The following MCM9 variants were observed in gnomAD, a reference collection of about 807,000 sequenced individuals.
MCM9 encodes minichromosome maintenance 9 homologous recombination repair factor, also known as DNA helicase MCM9.
MCM9 carries 55 observed loss-of-function variants against 72.8 expected under a neutral mutation model. The ratio of observed to expected loss-of-function variants is 0.76; its 90% CI spans 0.61 to 0.95. MCM9 has a LOEUF of 0.95. Ranked by LOEUF, MCM9 falls within the 40% of genes least tolerant of loss-of-function variation. MCM9 has a pLI of 0.00. For missense variants in MCM9, 1,279 were observed against 1,377.0 expected (o/e 0.93, Z 1.13); for synonymous variants, 480 against 503.4 (o/e 0.95, Z 0.62).
chr6:118,835,803 A>C (rs191968318), intron 9 of MCM9, among the ~76,000 whole-genome samples: 1 of 152,178 alleles, frequency 6.6e-6, no homozygotes, highest in Admixed American at 6.5e-5. Flanking sequence ...AGACAGAAAC[A>C]ATTTGACTTC....
At chr6:118,891,369 T>C (rs140934670) in intron 8 of MCM9, among the ~76,000 whole-genome samples, 204 of 152,330 alleles carry the variant, frequency 1.3e-3, no homozygotes, top group African/African-American at 4.7e-3. Flanking sequence ...AAATATCTTA[T>C]AGCTATATTA....
At chr6:118,843,585 G>A (rs1442030120) in intron 9 of MCM9, among the ~76,000 whole-genome samples, 1 of 102,128 alleles carries the variant, frequency 9.8e-6, no homozygotes, top group Admixed American at 1.1e-4. Context: ...CCAAGATTGC[G>A]CCACTGCACT....
chr6:118,889,163 C>T (rs1055685205), intron 8 of MCM9, among the ~76,000 whole-genome samples: 5 of 152,072 alleles, frequency 3.3e-5, no homozygotes, highest in Middle Eastern at 3.2e-3. Flanking sequence ...CTTTGCATGC[C>T]GGATTCAAAG....
At chr6:118,926,659 A>G (rs556268545) in intron 3 of MCM9, among the ~76,000 whole-genome samples, 18 of 152,248 alleles carry the variant, frequency 1.2e-4, no homozygotes, top group African/African-American at 4.3e-4. Flanking sequence ...GATATACCGT[A>G]TTTTGTTTAT....
At chr6:118,818,467 T>C (rs974833683) in intron 13 of MCM9, among the ~76,000 whole-genome samples, 1 of 152,160 alleles carries the variant, frequency 6.6e-6, no homozygotes, top group Admixed American at 6.5e-5. Context: ...CTGAGGCCTC[T>C]GTTCTGTTTC....
At chr6:118,833,767 C>A (rs1257757660) in intron 9 of MCM9, among the ~76,000 whole-genome samples, 1 of 152,008 alleles carries the variant, frequency 6.6e-6, no homozygotes, top group Non-Finnish European at 1.5e-5. Context: ...ATGGTGGTTG[C>A]TAGGGGCTGG....
At chr6:118,933,130 G>C (rs1344809243) in intron 1 of MCM9, among the ~76,000 whole-genome samples, 3 of 152,152 alleles carry the variant, frequency 2.0e-5, no homozygotes, top group African/African-American at 4.8e-5. Flanking sequence ...TCAAAGGAGA[G>C]GGAGGTTAAA....
chr6:118,912,995 G>A (rs185949360), intron 7 of MCM9: 5 of 242,736 alleles, frequency 2.1e-5, no homozygotes, highest in South Asian at 2.0e-4. Context: ...AAAACAGACC[G>A]GGGATCCAAC....
Position 118,893,980 on chromosome 6 carries a change from G to A in MCM9, c.1150+17670C>T, listed in dbSNP as rs921925512. On this transcript the variant is annotated intron_variant, in intron 8 of 13. Transcript: ENST00000619706. ...CGCCCCCTCCGCCCCTCTCCGCGCC[G>A]CCGCCGGCGGCCTCCGCGCGGGCCT... 7.3e-6 allele frequency: 7 copies of A among 955,590 alleles called. 1 individual carries two copies. In the African/African-American group the frequency reaches 1.3e-4, roughly 18 times the overall value. The allele number at this position is 955,590 out of a possible 1,614,324, so 59.2% of individuals were successfully genotyped here.
intron 8 of MCM9, among the ~76,000 whole-genome samples, chr6:118,869,077 T>C (rs1004742099): frequency 1.3e-5 from 2 of 152,322 alleles, no homozygotes; most frequent in Middle Eastern, 3.4e-3. Context: ...TGGAATACTA[T>C]GCAGCCATAA....
chr6:118,905,712 C>CTAAT, intron 8 of MCM9: 1 of 1,613,640 alleles, frequency 6.2e-7, no homozygotes, highest in South Asian at 1.1e-5. Flanking sequence ...AACTGTTGTG[C>CTAAT]TAATTACTTG....
intron 5 of MCM9, chr6:118,919,563 T>C (rs530371398): frequency 2.2e-4 from 33 of 152,332 alleles, no homozygotes; most frequent in South Asian, 2.1e-3. Flanking sequence ...CTTCAATATA[T>C]ACGTGTTTTC....
chr6:118,826,339 T>C (rs901892291), intron 12 of MCM9, 47 bp from the exon 13 acceptor site: 16 of 1,530,432 alleles, frequency 1.0e-5, no homozygotes, highest in African/African-American at 1.4e-5. Flanking sequence ...CCAGCCTGCA[T>C]AGCGGTAAGT....
At chr6:118,865,139 C>T (rs188433826) in intron 8 of MCM9, among the ~76,000 whole-genome samples, 48 of 152,262 alleles carry the variant, frequency 3.2e-4, no homozygotes, top group Admixed American at 1.7e-3. Flanking sequence ...TCCCACTCAA[C>T]GGACTGTGTC....
chr6:118,822,311 G>C (rs1261117520), intron 13 of MCM9, among the ~76,000 whole-genome samples: 1 of 151,962 alleles, frequency 6.6e-6, no homozygotes, highest in Non-Finnish European at 1.5e-5. Flanking sequence ...TTTGTGTGGG[G>C]GCCCTTTTTG....
intron 9 of MCM9, among the ~76,000 whole-genome samples, chr6:118,834,525 T>G (rs1774815649): frequency 6.6e-6 from 1 of 151,580 alleles, no homozygotes; most frequent in Non-Finnish European, 1.5e-5. Flanking sequence ...AGCATCTGTT[T>G]CCTGACTGTT....
chr6:118,875,541 T>C (rs1777878870), intron 8 of MCM9, among the ~76,000 whole-genome samples: 1 of 151,726 alleles, frequency 6.6e-6, no homozygotes, highest in African/African-American at 2.4e-5. Context: ...GAGACTGAGG[T>C]GGGAGCATCA....
intron 8 of MCM9, among the ~76,000 whole-genome samples, chr6:118,891,974 G>A (rs1051261871): frequency 1.3e-5 from 2 of 152,144 alleles, no homozygotes; most frequent in Non-Finnish European, 1.5e-5. Flanking sequence ...TAGATGTTTG[G>A]GAGTCACCAA....
intron 9 of MCM9, among the ~76,000 whole-genome samples, chr6:118,847,918 G>T (rs1775981963): frequency 6.6e-6 from 1 of 151,952 alleles, no homozygotes; most frequent in African/African-American, 2.4e-5. Flanking sequence ...CTTTAGGAAA[G>T]AAAGTATAAG....
Sources: gnomAD v4.1 joint callset for allele counts (sites outside exome capture counted in the v4.1 genomes callset) on GRCh38, gnomAD v4.1.1 for gene constraint, MANE v1.5 for transcripts, NCBI Gene and HGNC (gene_info 2026-07-23, HGNC 2026-07-21) for gene names.